MPP2: variants seen among roughly 807,000 people sequenced by gnomAD.
MPP2 encodes the protein MAGUK p55 scaffold protein 2, also known as MAGUK p55 subfamily member 2.
MPP2 carries 42 observed loss-of-function variants against 58.5 expected under a neutral mutation model. The observed-to-expected ratio is 0.72, with a 90% confidence interval of 0.56 to 0.93. MPP2 has a LOEUF of 0.93. Among genes scored for constraint, MPP2 ranks in the 40% least tolerant of loss-of-function variants. MPP2 has a pLI of 0.00. For missense variants in MPP2, 632 were observed against 760.4 expected, an observed-to-expected ratio of 0.83 and a Z score of 1.99; for synonymous variants, 300 against 307.8, an observed-to-expected ratio of 0.97 and a Z score of 0.26.
intron 8 of MPP2, 36 bp from the exon 9 acceptor site, chr17:43,881,194 G>C (rs376136984): frequency 1.9e-6 from 3 of 1,613,584 alleles, no homozygotes; most frequent in Non-Finnish European, 2.5e-6. Context: ...AGGCAGACAG[G>C]GCCCTGTTGG....
intron 3 of MPP2, 154 bp downstream of exon 3, chr17:43,898,108 A>G (rs985362453): frequency 4.6e-6 from 3 of 657,386 alleles, no homozygotes; most frequent in Non-Finnish European, 8.2e-6. Flanking sequence ...CACTCAGGTC[A>G]TCACCTGGGC....
chr17:43,899,263 AAAAG>A (rs2047987246), intron 2 of MPP2, among the ~76,000 whole-genome samples: 2 of 151,992 alleles, frequency 1.3e-5, no homozygotes, highest in African/African-American at 4.8e-5. Flanking sequence ...AAAAAAAAGA[AAAAG>A]AAAAGAAAAC....
rs147074999 is a variant in MPP2, at chr17:43,878,976, C to T, written c.1482+299G>A. ...CCAGCCCACCTCTCCCAGTTGCCCT[C>T]GGGAACTCTCTCTGGCCAGCACTCT... On this transcript the variant is annotated intron_variant, in intron 12 of 12. Transcript: ENST00000269095. Among the ~76,000 whole-genome samples, 855 of 152,306 alleles carry T rather than the reference C, an allele frequency of 5.6e-3. 1 individual carries two copies. The highest frequency in any genetic ancestry group is 0.037 in the Middle Eastern group (11 of 294).
Position 43,880,773 on chromosome 17 carries a change from A to G in MPP2, c.1068T>C (p.Ile356=), listed in dbSNP as rs761241576. Residue 356 remains isoleucine, a synonymous_variant, in exon 10 of 13, where the codon ATT becomes ATC. Coordinates refer to ENST00000269095, the MANE Select transcript of MPP2 (RefSeq NM_005374.5). The surrounding 1 kb of genome is among the most constrained non-coding windows in gnomAD (Gnocchi z 5.2). ...TGCGCCGTCCCACGCCCTGAGCCCC[A>G]ATCAGTACCAGGGTTTTCCGGCGGA... ...PPFRRKTLVL[I]GAQGVGRRSL... is the part of the protein sequence containing the mutation. 6.2e-7 allele frequency: 1 copy of G among 1,614,028 alleles called. No homozygotes were observed. The highest frequency in any genetic ancestry group is 1.7e-5 in the Admixed American group (1 of 60,006).
intron 3 of MPP2, among the ~76,000 whole-genome samples, chr17:43,894,194 G>A (rs951911155): frequency 5.3e-5 from 8 of 151,572 alleles, no homozygotes; most frequent in South Asian, 4.2e-4. Flanking sequence ...CAAGGCAGGC[G>A]GATTGCGAGG....
chr17:43,898,261 C>T lies in MPP2; in HGVS notation c.150+1G>A, dbSNP rs1362522628. On this transcript the variant is annotated splice_donor_variant, in intron 3 of 12. Transcript: ENST00000269095. LOFTEE classifies it high-confidence loss of function. ...GTGCCCACCTCCCTGGAGCACTGTA[C>T]CTTGGCCAGGGATCTTACTATGGGA... The T allele has an allele frequency of 1.9e-6, 3 of 1,612,108 alleles. No individual in the cohort carries two copies. The highest frequency in any genetic ancestry group is 1.7e-5 in the Admixed American group (1 of 60,016).
In MPP2 at chr17:43,881,462, C is replaced by G. The variant is rs771548976; in HGVS notation, c.809G>C (p.Trp270Ser). Residue 270 changes from tryptophan to serine, a missense_variant, in exon 7 of 13, where the codon TGG becomes TCG. Physicochemically the swap from Trp to Ser is radical, Grantham distance 177. Transcript: ENST00000269095. ...QIVNQDDANWWQACHVEGGSA... is the reference protein window; with the variant it reads ...QIVNQDDANWSQACHVEGGSA... ...GCGGGGGTGCCCGCAGCTCACCTGC[C>G]ACCAGTTGGCATCATCCTGGTTTAC... The G allele has an allele frequency of 6.2e-7, 1 of 1,614,108 alleles. No homozygotes were observed. Among genetic ancestry groups the G allele is most frequent in the Non-Finnish European group, 8.5e-7 (1 of 1,179,992 alleles).
chr17:43,907,577 T>A, upstream of MPP2: 1 of 985,422 alleles, frequency 1.0e-6, no homozygotes, highest in Non-Finnish European at 1.2e-6. Context: ...CGGCAAGGCC[T>A]CTCCGCGAGG....
chr17:43,907,636 C>G (rs1305512394), upstream of MPP2: 2 of 985,534 alleles, frequency 2.0e-6, no homozygotes, highest in African/African-American at 1.7e-5. Context: ...CGGAGGCCGG[C>G]ACAACTCGGA....
Position 43,877,976 on chromosome 17 carries a change from T to C in MPP2, c.1490A>G (p.Asp497Gly), listed in dbSNP as rs2046921970. 2 of 1,612,404 alleles carry C rather than the reference T, an allele frequency of 1.2e-6. No homozygotes were observed. Among genetic ancestry groups the C allele is most frequent in the African/African-American group, 1.3e-5 (1 of 74,854 alleles). Reference sequence around the variant, plus strand: ...GCTCTCCTCCACTGTCCGTCTCAGGTCCGCCTCCTGCCCAGGCACAAGGGG... The same window carrying C: ...GCTCTCCTCCACTGTCCGTCTCAGGCCCGCCTCCTGCCCAGGCACAAGGGG... ...GISTKQLTEA[D>G]LRRTVEESSR... Residue 497 changes from aspartate (D) to glycine (G), a missense_variant, in exon 13 of 13, where the codon GAC (aspartate) becomes GGC (glycine). Physicochemically the swap from Asp to Gly is moderately conservative, Grantham distance 94. Transcript: ENST00000269095.
chr17:43,898,482 GA>G (rs2047945848), intron 2 of MPP2, 102 bp from the exon 3 acceptor site: 2 of 807,104 alleles, frequency 2.5e-6, no homozygotes, highest in Non-Finnish European at 4.1e-6. Context: ...ATGTCCCACA[GA>G]AGGCAGCCCC....
rs780436336 is a variant in MPP2, at chr17:43,880,891, G to A, written c.989-39C>T. On this transcript the variant is annotated intron_variant, in intron 9 of 12. Coordinates refer to ENST00000269095, the MANE Select transcript of MPP2 (RefSeq NM_005374.5). The surrounding 1 kb of genome is among the most constrained non-coding windows in gnomAD (Gnocchi z 5.2). ...GATGGCGCTGCTCACCAGGCTGCACGGTGAGGGAGGGGCGGAGCTCTCAGG... is the reference window on the plus strand; with the variant it reads ...GATGGCGCTGCTCACCAGGCTGCACAGTGAGGGAGGGGCGGAGCTCTCAGG... 32 of 1,573,350 alleles carry A rather than the reference G, an allele frequency of 2.0e-5. No individual in the cohort carries two copies. Among genetic ancestry groups the A allele is most frequent in the Non-Finnish European group, 2.5e-5 (29 of 1,157,412 alleles).
upstream of MPP2, chr17:43,907,856 C>T (rs2048354625): frequency 3.0e-6 from 3 of 985,316 alleles, no homozygotes; most frequent in Admixed American, 6.1e-5. Flanking sequence ...GATTACTCCG[C>T]CCACCCATCT....
rs567195922 is a variant in MPP2, at chr17:43,882,761, C to T, written c.453+142G>A. On this transcript the variant is annotated intron_variant, in intron 5 of 12. Transcript: ENST00000269095. ...TGGTCTCCTGGGTCTTCCCCCGACC[C>T]TTTGCTGCATCAATCCTTCCCTGCA... The T allele has an allele frequency of 3.2e-5, 41 of 1,297,764 alleles. No individual in the cohort carries two copies. In the African/African-American group the frequency reaches 5.2e-4, roughly 16 times the overall value. 80.4% of individuals were successfully genotyped at this position (1,297,764 alleles called of 1,614,324 possible).
In MPP2 at chr17:43,876,701, CACAG is replaced by C. The variant is rs941064901; in HGVS notation, c.*1102_*1105del. 1 of 152,398 alleles carries C rather than the reference CACAG, an allele frequency of 6.6e-6. No individual in the cohort carries two copies. The highest frequency in any genetic ancestry group is 2.4e-5 in the African/African-American group (1 of 41,440). The allele number at this position is 152,398 out of a possible 1,614,324, so 9.4% of individuals were successfully genotyped here. On this transcript the variant is annotated 3_prime_UTR_variant, in exon 13 of 13. Transcript: ENST00000269095. ...CATACACACAACCTGGTGCCAGAGG[CACAG>C]ACAGGTGCCGAACATGCACGTGGAA...
intron 3 of MPP2, among the ~76,000 whole-genome samples, chr17:43,895,124 T>A (rs78466148): frequency 0.022 from 3,393 of 152,102 alleles, 86 homozygotes; most frequent in African/African-American, 0.065. Flanking sequence ...TTATTTATTT[T>A]TTTTTTTGAG....
chr17:43,908,433 C>A (rs529998052), upstream of MPP2, among the ~76,000 whole-genome samples: 1 of 152,324 alleles, frequency 6.6e-6, no homozygotes, highest in African/African-American at 2.4e-5. Flanking sequence ...TTCCTAAGAT[C>A]ATAAATGGAC....
rs780509780 is a variant in MPP2 at position 43,882,403 on chromosome 17, C to T, written c.562G>A (p.Val188Met). 1.2e-5 allele frequency: 19 copies of T among 1,611,586 alleles called. No individual in the cohort carries two copies. In the South Asian group the frequency reaches 2.1e-4, roughly 18 times the overall value. ...TCACTGCCCACTGGCTGCCCGTTCACCTCCTTGATGATGTCACCCACATGC... is the reference window on the plus strand; with the variant it reads ...TCACTGCCCACTGGCTGCCCGTTCATCTCCTTGATGATGTCACCCACATGC... ...LLHVGDIIKE[V>M]NGQPVGSDPR... The change falls in exon 6 of 13, where the codon GTG (valine) becomes ATG (methionine). Residue 188 changes from valine to methionine, a missense_variant. Physicochemically the swap from Val to Met is conservative, Grantham distance 21 (BLOSUM62 1). Transcript: ENST00000269095.
chr17:43,907,857 C>T, upstream of MPP2: 1 of 985,414 alleles, frequency 1.0e-6, no homozygotes, highest in African/African-American at 1.7e-5. Context: ...ATTACTCCGC[C>T]CACCCATCTT....
Sources: gnomAD v4.1 joint callset for allele counts (sites outside exome capture counted in the v4.1 genomes callset) on GRCh38, gnomAD v4.1.1 for gene constraint, Gnocchi (gnomAD v3.1) non-coding constraint, MANE v1.5 for transcripts, NCBI Gene and HGNC (gene_info 2026-07-23, HGNC 2026-07-21) for gene names.